The following TMC1 variants were observed in gnomAD, a reference collection of about 807,000 sequenced individuals.
TMC1 encodes transmembrane channel-like protein 1.
TMC1 carries 84 observed loss-of-function variants against 105.8 expected under a neutral mutation model. The ratio of observed to expected loss-of-function variants is 0.79; its 90% CI spans 0.67 to 0.95. The LOEUF (loss-of-function observed/expected upper bound fraction) is 0.95. Among genes scored for constraint, TMC1 ranks in the 40% least tolerant of loss-of-function variants. The pLI, the probability that TMC1 is intolerant of heterozygous loss-of-function variation, is 0.00. For synonymous variants in TMC1, 315 were observed against 311.5 expected (o/e 1.01, Z -0.12); for missense variants, 817 against 914.1 (o/e 0.89, Z 1.37).
chr9:72,644,391 G>A (rs1225531473), intron 4 of TMC1, among the ~76,000 whole-genome samples: 1 of 151,788 alleles, frequency 6.6e-6, no homozygotes, highest in East Asian at 1.9e-4. Context: ...ATAGTTTTAG[G>A]TTTTACATTT....
chr9:72,779,042 G>T (rs1041040607), intron 13 of TMC1, among the ~76,000 whole-genome samples: 1 of 152,184 alleles, frequency 6.6e-6, no homozygotes, highest in African/African-American at 2.4e-5. Flanking sequence ...AACCCTCATG[G>T]AGCATTGTTG....
intron 2 of TMC1, among the ~76,000 whole-genome samples, chr9:72,581,643 T>C (rs937381874): frequency 6.6e-6 from 1 of 152,190 alleles, no homozygotes; most frequent in African/African-American, 2.4e-5. Context: ...ATCAAATATG[T>C]TCTTGGTATA....
intron 7 of TMC1, among the ~76,000 whole-genome samples, chr9:72,698,862 T>C (rs1387641625): frequency 2.0e-5 from 3 of 152,116 alleles, no homozygotes; most frequent in African/African-American, 7.2e-5. Context: ...AAGGATTCAC[T>C]TGCAGTATGG....
intron 5 of TMC1, among the ~76,000 whole-genome samples, chr9:72,659,755 T>A (rs1035263323): frequency 5.3e-5 from 8 of 152,194 alleles, no homozygotes; most frequent in African/African-American, 1.9e-4. Context: ...CATAGCAGGT[T>A]TTAATAAGAT....
intron 1 of TMC1, among the ~76,000 whole-genome samples, chr9:72,534,773 A>C (rs1823551814): frequency 6.6e-6 from 1 of 152,222 alleles, no homozygotes; most frequent in Admixed American, 6.5e-5. Flanking sequence ...CGATGCATTT[A>C]GGTTTTCATT....
At chr9:72,827,842 T>C (rs79827372) in intron 21 of TMC1, among the ~76,000 whole-genome samples, 2,138 of 152,220 alleles carry the variant, frequency 0.014, 57 homozygotes, top group African/African-American at 0.049. Context: ...ATGCAAAGGA[T>C]TTGGTTCATT....
intron 12 of TMC1, 72 bp downstream of exon 12, chr9:72,754,956 C>T (rs568951579): frequency 2.1e-5 from 24 of 1,133,486 alleles, no homozygotes; most frequent in African/African-American, 1.7e-4. Context: ...CTGAAACCCA[C>T]GGCCTCCTCT....
At chr9:72,629,459 A>G (rs1173008365) in intron 4 of TMC1, among the ~76,000 whole-genome samples, 2 of 152,208 alleles carry the variant, frequency 1.3e-5, no homozygotes, top group Non-Finnish European at 2.9e-5. Context: ...CCTTGCCCTC[A>G]AGGAACCCAT....
chr9:72,700,338 T>C (rs1826621866), intron 7 of TMC1, among the ~76,000 whole-genome samples, 180 bp from the exon 8 acceptor site: 1 of 152,018 alleles, frequency 6.6e-6, no homozygotes, highest in Non-Finnish European at 1.5e-5. Context: ...AAAGTTATAA[T>C]AGTTCCAGTA....
chr9:72,762,892 G>C (rs1827777878), intron 12 of TMC1, among the ~76,000 whole-genome samples: 1 of 152,136 alleles, frequency 6.6e-6, no homozygotes, highest in Non-Finnish European at 1.5e-5. Flanking sequence ...ATTAAAAGAA[G>C]ATGCATTTCA....
intron 8 of TMC1, among the ~76,000 whole-genome samples, chr9:72,728,056 TG>T (rs1827151137): frequency 6.6e-6 from 1 of 152,102 alleles, no homozygotes; most frequent in Non-Finnish European, 1.5e-5. Context: ...GTTGGAGCCT[TG>T]TAAGTCAGAC....
chr9:72,806,935 C>T (rs1378183009), intron 18 of TMC1, among the ~76,000 whole-genome samples: 18 of 152,120 alleles, frequency 1.2e-4, no homozygotes, highest in African/African-American at 3.6e-4. Context: ...GAGGTTGTAG[C>T]GAGCCGAGAT....
At chr9:72,749,655 C>A (rs544760649) in intron 10 of TMC1, among the ~76,000 whole-genome samples, 1 of 152,056 alleles carries the variant, frequency 6.6e-6, no homozygotes, top group African/African-American at 2.4e-5. Context: ...CACCCCTCGG[C>A]AATGTGAAAT....
chr9:72,574,779 A>G (rs936442662), intron 1 of TMC1, among the ~76,000 whole-genome samples: 3 of 152,220 alleles, frequency 2.0e-5, no homozygotes, highest in African/African-American at 2.4e-5. Context: ...TTCTCTGAGA[A>G]GTATTCTCTG....
chr9:72,715,764 A>G (rs768166624), intron 8 of TMC1, among the ~76,000 whole-genome samples: 9 of 152,038 alleles, frequency 5.9e-5, no homozygotes, highest in African/African-American at 7.2e-5. Flanking sequence ...ACTTCTGTCA[A>G]TTCGTCAAAC....
intron 2 of TMC1, among the ~76,000 whole-genome samples, chr9:72,601,503 G>T (rs568657966): frequency 2.0e-5 from 3 of 152,196 alleles, no homozygotes; most frequent in Middle Eastern, 3.4e-3. Context: ...AATTAGCTGG[G>T]CAGTAGTGGT....
At chr9:72,617,871 G>A (rs1825160783) in intron 3 of TMC1, among the ~76,000 whole-genome samples, 1 of 151,358 alleles carries the variant, frequency 6.6e-6, no homozygotes, top group African/African-American at 2.4e-5. Context: ...GAGAAAATGT[G>A]AATAGTGGTT....
intron 1 of TMC1, among the ~76,000 whole-genome samples, chr9:72,553,056 C>A (rs1473216859): frequency 6.6e-6 from 1 of 152,126 alleles, no homozygotes; most frequent in East Asian, 1.9e-4. Context: ...TCACAGCAAC[C>A]TCTGCCTCCC....
chr9:72,765,287 G>A (rs556271157), intron 12 of TMC1, among the ~76,000 whole-genome samples: 1 of 152,180 alleles, frequency 6.6e-6, no homozygotes, highest in East Asian at 1.9e-4. Context: ...GGTGTGCAGT[G>A]AGTATAGGGA....
Sources: allele counts gnomAD v4.1 joint callset (sites outside exome capture counted in the v4.1 genomes callset), GRCh38; gene constraint gnomAD v4.1.1; transcripts MANE v1.5; gene names NCBI Gene and HGNC (gene_info 2026-07-23, HGNC 2026-07-21).